RYR3: variants seen among roughly 807,000 people sequenced by gnomAD.
RYR3 encodes the protein ryanodine receptor 3.
In RYR3, 207 loss-of-function variants were observed where a neutral mutation model predicts 584.3. That is an observed-to-expected ratio of 0.35 (90% confidence interval 0.32 to 0.40). RYR3 has a LOEUF of 0.40. RYR3 is among the 10% of genes least tolerant of loss of function. The pLI is 1.00. For missense variants in RYR3, 5,616 were observed against 6,089.2 expected (o/e 0.92, Z 2.59); for synonymous variants, 2,416 against 2,248.5 (o/e 1.07, Z -2.11).
At chr15:33,608,730 AT>A (rs1361423996) in intron 18 of RYR3, among the ~76,000 whole-genome samples, 1 of 152,212 alleles carries the variant, frequency 6.6e-6, no homozygotes, top group African/African-American at 2.4e-5. Context: ...CAGCCTATGG[AT>A]TCAATTTGCT....
At chr15:33,654,112 C>T (rs2062674084) in intron 32 of RYR3, among the ~76,000 whole-genome samples, 1 of 152,088 alleles carries the variant, frequency 6.6e-6, no homozygotes, top group Non-Finnish European at 1.5e-5. Flanking sequence ...TATTTGTAGA[C>T]AGAGAACGCT....
intron 74 of RYR3, among the ~76,000 whole-genome samples, chr15:33,814,481 A>G (rs1383431444): frequency 3.3e-5 from 5 of 152,250 alleles, no homozygotes; most frequent in Non-Finnish European, 5.9e-5. Context: ...GACTATTCCT[A>G]TGCTTGACAT....
intron 2 of RYR3, among the ~76,000 whole-genome samples, chr15:33,500,683 G>A (rs2051900208): frequency 6.6e-6 from 1 of 152,158 alleles, no homozygotes; most frequent in South Asian, 2.1e-4. Flanking sequence ...TGCCTGCCAG[G>A]TAGAGTGACT....
chr15:33,517,174 T>C lies in RYR3; in HGVS notation c.280-13418T>C, dbSNP rs146501620. Among the ~76,000 whole-genome samples the C allele has an allele frequency of 2.5e-3, 387 of 152,278 alleles. 3 individuals carry two copies. Among genetic ancestry groups the C allele is most frequent in the African/African-American group, 8.8e-3 (365 of 41,566 alleles). ...CACATCCAGCTAATTTTTGTATTTTTAGTAGAGATGAGGTTTCACCGTGTT... is the reference window on the plus strand; with the variant it reads ...CACATCCAGCTAATTTTTGTATTTTCAGTAGAGATGAGGTTTCACCGTGTT... On this transcript the variant is annotated intron_variant, in intron 3 of 103. Coordinates refer to ENST00000634891, the MANE Select transcript of RYR3 (RefSeq NM_001036.6).
chr15:33,530,555 G>A (rs754631094), intron 3 of RYR3, 37 bp from the exon 4 acceptor site: 29 of 1,461,386 alleles, frequency 2.0e-5, no homozygotes, highest in Admixed American at 3.4e-5. Flanking sequence ...AAGCCACAAC[G>A]GGCATGTGCT....
intron 11 of RYR3, among the ~76,000 whole-genome samples, chr15:33,563,579 C>T (rs2057533990): frequency 1.3e-5 from 2 of 152,228 alleles, no homozygotes; most frequent in South Asian, 4.2e-4. Flanking sequence ...ATTGCCGTAA[C>T]AGTGTTTCTT....
intron 1 of RYR3, among the ~76,000 whole-genome samples, chr15:33,345,982 ATTATC>A (rs1331586809): frequency 6.6e-6 from 1 of 152,220 alleles, no homozygotes; most frequent in African/African-American, 2.4e-5. Flanking sequence ...TTTTTACATA[ATTATC>A]TTAGATATGT....
At chr15:33,469,866 T>C (rs558385530) in intron 1 of RYR3, among the ~76,000 whole-genome samples, 1 of 151,420 alleles carries the variant, frequency 6.6e-6, no homozygotes. Context: ...CAGAAGAAAA[T>C]AGAGATGGGA....
At chr15:33,482,547 G>A (rs1477364246) in intron 2 of RYR3, among the ~76,000 whole-genome samples, 4 of 152,174 alleles carry the variant, frequency 2.6e-5, no homozygotes, top group Admixed American at 2.0e-4. Context: ...AGTCTCCTGA[G>A]TAGCTGGGAT....
At chr15:33,647,750 T>A (rs2062185053) in intron 30 of RYR3, among the ~76,000 whole-genome samples, 1 of 152,188 alleles carries the variant, frequency 6.6e-6, no homozygotes, top group South Asian at 2.1e-4. Context: ...CTGATTGAAA[T>A]GAGCATCAGT....
intron 2 of RYR3, among the ~76,000 whole-genome samples, chr15:33,486,932 C>T (rs1469684290): frequency 6.6e-6 from 1 of 152,084 alleles, no homozygotes. Flanking sequence ...CGCAGTGGGT[C>T]ATGACTGTAA....
At chr15:33,819,021 G>T (rs1478683683) in intron 76 of RYR3, among the ~76,000 whole-genome samples, 3 of 152,150 alleles carry the variant, frequency 2.0e-5, no homozygotes, top group Non-Finnish European at 4.4e-5. Context: ...TACTCAGGAG[G>T]CTGAGGCAGG....
intron 1 of RYR3, among the ~76,000 whole-genome samples, chr15:33,464,480 A>ATC (rs1567295454): frequency 1.1e-4 from 10 of 88,932 alleles, no homozygotes; most frequent in Non-Finnish European, 1.9e-4. Context: ...ATATATATAT[A>ATC]TATATATATA....
Position 33,707,139 on chromosome 15 carries a change from G to A in RYR3, c.6619+85G>A, listed in dbSNP as rs2066775632. 2.0e-6 allele frequency: 3 copies of A among 1,481,958 alleles called. No individual in the cohort carries two copies. In the Admixed American group the frequency reaches 5.6e-5, roughly 28 times the overall value. 91.8% of individuals were successfully genotyped at this position (1,481,958 alleles called of 1,614,324 possible). A position where few individuals can be genotyped will look rare whatever the true frequency, so the allele number is the denominator to read the frequency against. On this transcript the variant is annotated intron_variant, in intron 43 of 103. Coordinates refer to ENST00000634891, the MANE Select transcript of RYR3 (RefSeq NM_001036.6). Reference sequence around the variant, plus strand: ...CAAGGAAAAGGATATCCTTTCCATTGCTTCTTATCTGAAAATAGGGGGTTG... The same window carrying A: ...CAAGGAAAAGGATATCCTTTCCATTACTTCTTATCTGAAAATAGGGGGTTG...
rs115143355 is a variant in RYR3, at chr15:33,774,806, T to C, written c.9137+1191T>C. Among the ~76,000 whole-genome samples, 836 of 152,338 alleles carry C rather than the reference T, an allele frequency of 5.5e-3. 8 individuals are homozygous for C. Among genetic ancestry groups the C allele is most frequent in the African/African-American group, 0.019 (810 of 41,574 alleles). On this transcript the variant is annotated intron_variant, in intron 64 of 103. Coordinates refer to ENST00000634891, the MANE Select transcript of RYR3 (RefSeq NM_001036.6). Reference sequence around the variant, plus strand: ...TAGGAACTGGGCAGACAAAGTTTTATCCATATTTTATACCAAATCACAGAA... The same window carrying C: ...TAGGAACTGGGCAGACAAAGTTTTACCCATATTTTATACCAAATCACAGAA...
chr15:33,707,098 T>C, intron 43 of RYR3, 44 bp downstream of exon 43: 2 of 1,604,886 alleles, frequency 1.2e-6, no homozygotes, highest in Non-Finnish European at 1.7e-6. Flanking sequence ...CAGAATAGCA[T>C]GATCGTGGAT....
chr15:33,321,852 G>A (rs1969010127), intron 1 of RYR3, among the ~76,000 whole-genome samples: 1 of 152,174 alleles, frequency 6.6e-6, no homozygotes, highest in African/African-American at 2.4e-5. Context: ...ATAGAAAAGT[G>A]AACTCTATGG....
intron 95 of RYR3, 28 bp from the exon 96 acceptor site, chr15:33,853,527 G>A: frequency 6.2e-7 from 1 of 1,610,682 alleles, no homozygotes. Context: ...CGTGTGGCCT[G>A]AGCTCACCCT....
chr15:33,469,019 C>A (rs1244632407), intron 1 of RYR3, among the ~76,000 whole-genome samples: 1 of 152,140 alleles, frequency 6.6e-6, no homozygotes, highest in Non-Finnish European at 1.5e-5. Flanking sequence ...GTGCGTAAAG[C>A]ATGGTGCCTG....
Sources: gnomAD v4.1 joint callset for allele counts (sites outside exome capture counted in the v4.1 genomes callset) on GRCh38, gnomAD v4.1.1 for gene constraint, MANE v1.5 for transcripts, NCBI Gene and HGNC (gene_info 2026-07-23, HGNC 2026-07-21) for gene names.